The following C1QTNF5 variants were observed in gnomAD, a reference collection of about 807,000 sequenced individuals.
The protein encoded by C1QTNF5 is complement C1q tumor necrosis factor-related protein 5.
In C1QTNF5, 5 loss-of-function variants were observed where a neutral mutation model predicts 10.9. That is an observed-to-expected ratio of 0.46 (90% CI 0.24 to 0.97). The LOEUF is 0.97. Among genes scored for constraint, C1QTNF5 ranks in the 50% least tolerant of loss-of-function variants. The pLI is 0.19. For synonymous variants in C1QTNF5, 161 were observed against 156.5 expected (o/e 1.03, Z -0.22); for missense variants, 281 against 339.4 (o/e 0.83, Z 1.35).
intron 2 of C1QTNF5, 85 bp downstream of exon 2, chr11:119,340,099 A>G: frequency 7.1e-7 from 1 of 1,409,264 alleles, no homozygotes; most frequent in Non-Finnish European, 9.3e-7. Flanking sequence ...CTGGCGGGAG[A>G]CCCGAGTCCC....
chr11:119,341,630 A>G (rs1314617268), upstream of C1QTNF5: 1 of 1,612,996 alleles, frequency 6.2e-7, no homozygotes, highest in African/African-American at 1.3e-5. Context: ...CAGTAGTGCC[A>G]GGCCAGACTG....
chr11:119,338,948 T>G lies in C1QTNF5; in HGVS notation c.*383A>C. 2 of 180,850 alleles carry G rather than the reference T, an allele frequency of 1.1e-5. No individual in the cohort carries two copies. Among genetic ancestry groups the G allele is most frequent in the Non-Finnish European group, 1.2e-5 (1 of 86,576 alleles). 11.2% of individuals were successfully genotyped at this position (180,850 alleles called of 1,614,324 possible). ...GAAAGGCTGGAGCCGGTAGGAGGGT[T>G]CTTAGGTTTATTGAGTGATCTCTGA... On this transcript the variant is annotated 3_prime_UTR_variant, in exon 3 of 3. Transcript: ENST00000528368.
upstream of C1QTNF5, chr11:119,343,996 GC>G: frequency 6.2e-7 from 1 of 1,609,336 alleles, no homozygotes. Context: ...GCAATTCATG[GC>G]CCCTTCTCCT....
upstream of C1QTNF5, chr11:119,341,762 C>G: frequency 6.2e-7 from 1 of 1,613,332 alleles, no homozygotes; most frequent in Non-Finnish European, 8.5e-7. Context: ...GCAGGGCAGG[C>G]TTGTCAGGCT....
upstream of C1QTNF5, chr11:119,341,890 C>G: frequency 6.2e-7 from 1 of 1,614,056 alleles, no homozygotes; most frequent in South Asian, 1.1e-5. Flanking sequence ...CCACCTCCTC[C>G]TGGGTGATCA....
At chr11:119,345,516 A>T (rs121908190), upstream of C1QTNF5, 4 of 1,614,096 alleles carry the variant, frequency 2.5e-6, no homozygotes, top group Non-Finnish European at 3.4e-6. Context: ...CTTGAGCTGT[A>T]TTGCATGGTC....
upstream of C1QTNF5, chr11:119,344,042 C>A: frequency 6.3e-7 from 1 of 1,583,102 alleles, no homozygotes; most frequent in South Asian, 1.1e-5. Flanking sequence ...GTCTTCTTCC[C>A]CCACTGCTGG....
In C1QTNF5 at chr11:119,340,329, CTTG is replaced by C. The variant is rs773046530; in HGVS notation, c.66_68del (p.Asn22del). 9.9e-5 allele frequency: 153 copies of C among 1,543,304 alleles called. 1 individual carries two copies. The East Asian group carries it at 1.6e-3, about 16-fold the overall frequency. ...GGTGCCCCGGGCAGAGGCTGGGGATCTTGTTGTCGTCCAGTGGGGGCGAGCCGG... is the reference window on the plus strand; with the variant it reads ...GGTGCCCCGGGCAGAGGCTGGGGATCTTGTCGTCCAGTGGGGGCGAGCCGG... On this transcript the variant is annotated inframe_deletion, in exon 2 of 3. Transcript: ENST00000528368.
At chr11:119,343,875 C>T (rs777649155), upstream of C1QTNF5, 5 of 1,613,986 alleles carry the variant, frequency 3.1e-6, no homozygotes, top group Admixed American at 1.7e-5. Flanking sequence ...CGTAGTCAAA[C>T]TTGCACTCGT....
chr11:119,345,447 G>C, upstream of C1QTNF5: 1 of 1,614,004 alleles, frequency 6.2e-7, no homozygotes, highest in Non-Finnish European at 8.5e-7. Context: ...AGGCTCAGGG[G>C]AGAGTTCCAA....
At chr11:119,344,003 C>T (rs1419323438), upstream of C1QTNF5, 1 of 1,608,582 alleles carries the variant, frequency 6.2e-7, no homozygotes, top group Non-Finnish European at 8.5e-7. Context: ...ATGGCCCCTT[C>T]TCCTGTCTCA....
chr11:119,339,449 A>C lies in C1QTNF5; in HGVS notation c.614T>G (p.Val205Gly). 1 of 1,613,632 alleles carries C rather than the reference A, an allele frequency of 6.2e-7. No homozygotes were observed. The highest frequency in any genetic ancestry group is 8.5e-7 in the Non-Finnish European group (1 of 1,179,872). The change falls in exon 3 of 3, where the codon GTG (valine) becomes GGG (glycine). Residue 205 changes from valine (V) to glycine (G), a missense_variant. Physicochemically the swap from Val to Gly is moderately radical, Grantham distance 109. Coordinates refer to ENST00000528368, the MANE Select transcript of C1QTNF5 (RefSeq NM_001278431.2). This position sits in a 1 kb window ranked among gnomAD's most constrained non-coding sequence, Gnocchi z 5.4. ...AMVRLEPEDQVWVQVGVGDYI... is the reference protein window; with the variant it reads ...AMVRLEPEDQGWVQVGVGDYI... ...GTCACCCACACCCACCTGCACCCAC[A>C]CTTGGTCCTCAGGCTCCAGCCTCAC...
At chr11:119,346,209 T>C in the C1QTNF5 span, 2 of 1,567,790 alleles carry the variant, frequency 1.3e-6, no homozygotes, top group Non-Finnish European at 1.7e-6. Flanking sequence ...TGGGTATTCC[T>C]CATGCTGTCC....
upstream of C1QTNF5, chr11:119,341,992 G>A (rs576998134): frequency 1.9e-5 from 31 of 1,613,368 alleles, no homozygotes; most frequent in South Asian, 3.0e-4. Context: ...GCTCTGCAGG[G>A]GTGGAGGGGA....
rs1456218480 is a variant in C1QTNF5, at chr11:119,339,105, C to G, written c.*226G>C. On this transcript the variant is annotated 3_prime_UTR_variant, in exon 3 of 3. Transcript: ENST00000528368. The surrounding 1 kb of genome is among the most constrained non-coding windows in gnomAD (Gnocchi z 5.4). ...GACTTACACTTGCCAGCACAGCACA[C>G]TCCTCTGGTCTTGGGCAGAAATCCA... The G allele has an allele frequency of 3.4e-6, 2 of 581,104 alleles. No individual in the cohort carries two copies. Among genetic ancestry groups the G allele is most frequent in the Non-Finnish European group, 6.0e-6 (2 of 331,444 alleles). The allele number at this position is 581,104 out of a possible 1,614,324, so 36.0% of individuals were successfully genotyped here.
At chr11:119,343,928 T>C (rs915976130), upstream of C1QTNF5, 1 of 1,613,184 alleles carries the variant, frequency 6.2e-7, no homozygotes, top group Non-Finnish European at 8.5e-7. Flanking sequence ...AGTTCTATGC[T>C]GTGTCCGGCA....
At chr11:119,345,141 C>T (rs1294977756), upstream of C1QTNF5, 2 of 1,165,202 alleles carry the variant, frequency 1.7e-6, no homozygotes, top group African/African-American at 1.5e-5. Context: ...CCTCTGATGT[C>T]CCAGGGAGCT....
In C1QTNF5 at chr11:119,340,726, G is replaced by T; in HGVS notation, c.-75C>A. 2.6e-6 allele frequency: 1 copy of T among 378,140 alleles called. No homozygotes were observed. The highest frequency in any genetic ancestry group is 4.8e-6 in the Non-Finnish European group (1 of 207,478). The allele number at this position is 378,140 out of a possible 1,614,324, so 23.4% of individuals were successfully genotyped here. On this transcript the variant is annotated 5_prime_UTR_variant, in exon 1 of 3. Transcript: ENST00000528368. ...TCCCGGCTCCCCGATGGCCTCCTTC[G>T]GGGCGCTCGCTACTCCGGACCCTCC...
At chr11:119,342,061 C>G, upstream of C1QTNF5, 1 of 1,588,122 alleles carries the variant, frequency 6.3e-7, no homozygotes, top group East Asian at 2.2e-5. Context: ...CCGAATCGCT[C>G]GGTCCTGTGT....
Sources: allele counts gnomAD v4.1 joint callset, GRCh38; gene constraint gnomAD v4.1.1; non-coding constraint Gnocchi (gnomAD v3.1); transcripts MANE v1.5; gene names NCBI Gene and HGNC (gene_info 2026-07-23, HGNC 2026-07-21).